The following LEKR1 variants were observed in gnomAD, a reference collection of about 807,000 sequenced individuals.
LEKR1 encodes protein LEKR1.
In LEKR1, 59 loss-of-function variants were observed where a neutral mutation model predicts 72.4. The observed-to-expected ratio is 0.82, with a 90% CI of 0.66 to 1.01. The LOEUF (loss-of-function observed/expected upper bound fraction) is 1.01. Ranked by LOEUF, LEKR1 falls within the 50% of genes least tolerant of loss-of-function variation. The probability of loss-of-function intolerance (pLI) is 0.00; values close to 1 mark genes in which losing one functional copy is unlikely to be tolerated. For missense variants in LEKR1, 728 were observed against 759.2 expected, an observed-to-expected ratio of 0.96 and a Z score of 0.48; for synonymous variants, 257 against 263.2, an observed-to-expected ratio of 0.98 and a Z score of 0.23.
intron 12 of LEKR1, among the ~76,000 whole-genome samples, chr3:157,030,230 T>C (rs1012093890): frequency 6.6e-6 from 1 of 152,174 alleles, no homozygotes; most frequent in Non-Finnish European, 1.5e-5. Flanking sequence ...ACCAAGGGGA[T>C]GGTGCTAAGC....
intron 7 of LEKR1, among the ~76,000 whole-genome samples, chr3:156,981,021 A>G (rs1053673797): frequency 2.1e-4 from 32 of 152,154 alleles, no homozygotes; most frequent in African/African-American, 7.7e-4. Flanking sequence ...CTATGGTCAG[A>G]TATGTTTAGA....
At chr3:156,877,814 G>A (rs758721849) in intron 3 of LEKR1, among the ~76,000 whole-genome samples, 11 of 151,704 alleles carry the variant, frequency 7.3e-5, no homozygotes, top group Middle Eastern at 3.4e-3. Flanking sequence ...ACAACGTCTC[G>A]CTCTGTTGCC....
intron 6 of LEKR1, among the ~76,000 whole-genome samples, chr3:156,948,762 T>G (rs1403206073): frequency 6.6e-6 from 1 of 151,548 alleles, no homozygotes; most frequent in Non-Finnish European, 1.5e-5. Flanking sequence ...TCCACAATGT[T>G]GAACTAATTT....
chr3:156,895,888 A>G (rs750573949), intron 3 of LEKR1, among the ~76,000 whole-genome samples: 10 of 152,222 alleles, frequency 6.6e-5, no homozygotes, highest in African/African-American at 1.7e-4. Flanking sequence ...AAATCATTCT[A>G]TTATAAAGAC....
intron 3 of LEKR1, chr3:156,888,297 C>T (rs917110174): frequency 2.9e-6 from 2 of 701,422 alleles, no homozygotes; most frequent in Non-Finnish European, 5.2e-6. Flanking sequence ...ATCTTAACAG[C>T]AAAATATACT....
At chr3:156,962,638 A>G (rs970603715) in intron 6 of LEKR1, among the ~76,000 whole-genome samples, 4 of 152,172 alleles carry the variant, frequency 2.6e-5, no homozygotes, top group Admixed American at 6.5e-5. Context: ...TGCTCCCAAC[A>G]TTGAACTTTC....
intron 6 of LEKR1, among the ~76,000 whole-genome samples, chr3:156,956,754 A>G (rs1335912400): frequency 1.3e-5 from 2 of 152,026 alleles, no homozygotes; most frequent in African/African-American, 4.8e-5. Context: ...CAGCAGACTG[A>G]CAAAAAAGTA....
chr3:156,924,702 G>T, intron 4 of LEKR1: 1 of 413,472 alleles, frequency 2.4e-6, no homozygotes, highest in South Asian at 9.3e-5. Flanking sequence ...GTTTGTTAGA[G>T]GCCAATTTTT....
intron 7 of LEKR1, chr3:156,987,990 A>T (rs945615225): frequency 6.6e-6 from 1 of 152,210 alleles, no homozygotes; most frequent in Admixed American, 6.5e-5. Context: ...TTCTCTTTCC[A>T]TCTGAGGATC....
chr3:156,885,364 G>T (rs1467553512), intron 3 of LEKR1, among the ~76,000 whole-genome samples: 2 of 152,162 alleles, frequency 1.3e-5, no homozygotes, highest in Non-Finnish European at 2.9e-5. Context: ...ATCCTGTTTT[G>T]TCATATTACC....
intron 2 of LEKR1, among the ~76,000 whole-genome samples, chr3:156,832,642 G>T (rs1473164734): frequency 6.6e-6 from 1 of 152,198 alleles, no homozygotes; most frequent in African/African-American, 2.4e-5. Context: ...ATCTGTGCCT[G>T]CACATACCTG....
At chr3:156,835,364 A>C (rs1712967310) in intron 2 of LEKR1, among the ~76,000 whole-genome samples, 1 of 152,230 alleles carries the variant, frequency 6.6e-6, no homozygotes, top group African/African-American at 2.4e-5. Flanking sequence ...GAGCCCTTCA[A>C]GGAACAGGGC....
At chr3:157,005,473 A>C (rs912140834) in intron 9 of LEKR1, among the ~76,000 whole-genome samples, 1 of 152,170 alleles carries the variant, frequency 6.6e-6, no homozygotes, top group Non-Finnish European at 1.5e-5. Context: ...TATTATTCTG[A>C]TAACAAAACC....
chr3:156,966,062 T>C (rs1413344251), intron 6 of LEKR1, among the ~76,000 whole-genome samples: 3 of 151,912 alleles, frequency 2.0e-5, no homozygotes, highest in Admixed American at 6.6e-5. Context: ...ATTTCAACCA[T>C]GTAATTAACT....
Position 156,900,698 on chromosome 3 carries a change from T to G in LEKR1, c.264-19877T>G, listed in dbSNP as rs192668353. ...AAAGTGAAGTAAGTTTCCTAATTGT[T>G]TGCTAGAGTATTTGGCTTATTATAT... is the stretch of plus-strand genomic sequence containing the variant. On this transcript the variant is annotated intron_variant, in intron 3 of 12. Coordinates refer to ENST00000356539, the MANE Select transcript of LEKR1 (RefSeq NM_001004316.3). Among the ~76,000 whole-genome samples, 44 of 152,334 alleles carry G rather than the reference T, an allele frequency of 2.9e-4. 1 individual carries two copies. The highest frequency in any genetic ancestry group is 1.0e-3 in the African/African-American group (43 of 41,580).
rs530709440 is a variant in LEKR1 at position 156,878,973 on chromosome 3, C to CT, written c.263+25999dup. Among the ~76,000 whole-genome samples the CT allele has an allele frequency of 2.9e-3, 443 of 152,022 alleles. 1 individual carries two copies. Among genetic ancestry groups the CT allele is most frequent in the African/African-American group, 0.01 (416 of 41,462 alleles). On this transcript the variant is annotated intron_variant, in intron 3 of 12. Transcript: ENST00000356539. Reference sequence around the variant, plus strand: ...TGTGATTAAACAGTCCATTAAACCTCTTTTTTTTATATAAATTATACAGTC... The same window carrying CT: ...TGTGATTAAACAGTCCATTAAACCTCTTTTTTTTTATATAAATTATACAGTC...
intron 9 of LEKR1, among the ~76,000 whole-genome samples, chr3:157,009,397 C>T (rs907415665): frequency 1.3e-5 from 2 of 152,130 alleles, no homozygotes; most frequent in African/African-American, 4.8e-5. Context: ...TTACATGAAG[C>T]TAGTGGCTAC....
intron 3 of LEKR1, among the ~76,000 whole-genome samples, chr3:156,882,470 T>C (rs979993305): frequency 3.2e-4 from 48 of 152,272 alleles, no homozygotes; most frequent in African/African-American, 1.1e-3. Flanking sequence ...TCACACCAGT[T>C]AGAATGGCAA....
chr3:156,900,454 G>C (rs1410062726), intron 3 of LEKR1, among the ~76,000 whole-genome samples: 2 of 152,112 alleles, frequency 1.3e-5, no homozygotes, highest in Non-Finnish European at 2.9e-5. Context: ...AGTGTAGTAT[G>C]CTCTTAGCCA....
Sources: allele counts gnomAD v4.1 joint callset (sites outside exome capture counted in the v4.1 genomes callset), GRCh38; gene constraint gnomAD v4.1.1; transcripts MANE v1.5; gene names NCBI Gene and HGNC (gene_info 2026-07-23, HGNC 2026-07-21).